Variants in TMCO4 observed in about 807,000 individuals in gnomAD.
TMCO4 encodes transmembrane and coiled-coil domain-containing protein 4.
Under a neutral mutation model 64.7 loss-of-function variants are expected in TMCO4, and 58 were observed. The observed-to-expected ratio is 0.90, with a 90% CI of 0.73 to 1.12. TMCO4 has a LOEUF of 1.12. Ranked by LOEUF, TMCO4 falls within the 50% of genes most tolerant of loss-of-function variation. The pLI is 0.00. For missense variants in TMCO4, 780 were observed against 825.9 expected (o/e 0.94, Z 0.68); for synonymous variants, 325 against 346.1 (o/e 0.94, Z 0.68).
chr1:19,747,020 A>G (rs2041824246), intron 8 of TMCO4, 143 bp downstream of exon 8: 1 of 773,956 alleles, frequency 1.3e-6, no homozygotes, highest in Non-Finnish European at 2.2e-6. Context: ...TGATGAGCAC[A>G]CCGACTACTC....
Position 19,729,797 on chromosome 1 carries a change from A to T in TMCO4, c.1264+7575T>A, listed in dbSNP as rs1049205926. Reference sequence around the variant, plus strand: ...ATAAATAAACAAATAAATAAATAAAAAATAAGAGTATGATTTTATTGTTCA... The same window carrying T: ...ATAAATAAACAAATAAATAAATAAATAATAAGAGTATGATTTTATTGTTCA... On this transcript the variant is annotated intron_variant, in intron 13 of 15. Transcript: ENST00000294543. Among the ~76,000 whole-genome samples, 5 of 152,254 alleles carry T rather than the reference A, an allele frequency of 3.3e-5. No individual in the cohort carries two copies. In the East Asian group the frequency reaches 9.7e-4, roughly 29 times the overall value.
chr1:19,769,366 G>C (rs538548597), intron 6 of TMCO4, among the ~76,000 whole-genome samples: 1 of 152,096 alleles, frequency 6.6e-6, no homozygotes, highest in Non-Finnish European at 1.5e-5. Context: ...CTGCATACCT[G>C]CCCAGGTGAA....
intron 7 of TMCO4, among the ~76,000 whole-genome samples, chr1:19,751,782 C>T (rs2042030053): frequency 6.6e-6 from 1 of 152,212 alleles, no homozygotes; most frequent in Non-Finnish European, 1.5e-5. Context: ...GGCGTGGTGG[C>T]TCGCGCCTGT....
intron 13 of TMCO4, among the ~76,000 whole-genome samples, chr1:19,714,113 T>A (rs1391884777): frequency 6.6e-6 from 1 of 152,120 alleles, no homozygotes; most frequent in Non-Finnish European, 1.5e-5. Flanking sequence ...ATTTTTATAT[T>A]TTTAGTAGAA....
In TMCO4 at chr1:19,739,969, G is replaced by C. The variant is rs747500995; in HGVS notation, c.1043-9C>G. On this transcript the variant is annotated splice_polypyrimidine_tract_variant and intron_variant, in intron 11 of 15. Transcript: ENST00000294543. The stretch of plus-strand genomic sequence containing the variant: ...CAGGGCAGCCACAATGCCTGGGGAG[G>C]TGAGATAGTGATGAAGGGAATGGCC... 6.2e-7 allele frequency: 1 copy of C among 1,610,886 alleles called. No homozygotes were observed. Among genetic ancestry groups the C allele is most frequent in the Non-Finnish European group, 8.5e-7 (1 of 1,178,570 alleles).
At chr1:19,779,007 C>A (rs1441841874) in intron 4 of TMCO4, among the ~76,000 whole-genome samples, 3 of 152,088 alleles carry the variant, frequency 2.0e-5, no homozygotes, top group Non-Finnish European at 2.9e-5. Flanking sequence ...CTGGCGGTAA[C>A]CCCCAAGGAG....
At chr1:19,786,694 T>C (rs1329251752) in intron 3 of TMCO4, among the ~76,000 whole-genome samples, 1 of 152,204 alleles carries the variant, frequency 6.6e-6, no homozygotes, top group Non-Finnish European at 1.5e-5. Flanking sequence ...GCATGGAACC[T>C]CTTGGTACTA....
At chr1:19,773,908 G>T (rs538837982) in intron 4 of TMCO4, among the ~76,000 whole-genome samples, 1 of 152,126 alleles carries the variant, frequency 6.6e-6, no homozygotes, top group Non-Finnish European at 1.5e-5. Context: ...CCAACCACCT[G>T]GGGGAGTCCT....
chr1:19,796,339 A>G (rs142969926), intron 2 of TMCO4, among the ~76,000 whole-genome samples: 1,570 of 152,198 alleles, frequency 0.01, 28 homozygotes, highest in African/African-American at 0.036. Flanking sequence ...TGTCCAGCGA[A>G]TGTGGGGCCT....
intron 12 of TMCO4, 125 bp downstream of exon 12, chr1:19,739,699 C>T: frequency 7.1e-7 from 1 of 1,412,592 alleles, no homozygotes; most frequent in Non-Finnish European, 9.5e-7. Context: ...AAGGACTGCC[C>T]ACACCCCCAA....
At chr1:19,700,353 G>A (rs1346777666) in intron 14 of TMCO4, among the ~76,000 whole-genome samples, 1 of 152,108 alleles carries the variant, frequency 6.6e-6, no homozygotes, top group Non-Finnish European at 1.5e-5. Context: ...GGCCCCTCCA[G>A]CCCCTCCCTC....
rs144078310 is a variant in TMCO4, at chr1:19,721,398, G to C, written c.1264+15974C>G. 5.3e-3 allele frequency among the ~76,000 whole-genome samples: 808 copies of C among 152,316 alleles called. 4 individuals carry two copies. Among genetic ancestry groups the C allele is most frequent in the African/African-American group, 0.018 (761 of 41,580 alleles). On this transcript the variant is annotated intron_variant, in intron 13 of 15. Coordinates refer to ENST00000294543, the MANE Select transcript of TMCO4 (RefSeq NM_181719.7). ...CTCCATTGCTTGAGAGTGGCAGTTA[G>C]TGCTGGACCTCGAGAAAGCAGGATT...
At chr1:19,702,757 T>C (rs1168815039) in intron 13 of TMCO4, among the ~76,000 whole-genome samples, 1 of 152,188 alleles carries the variant, frequency 6.6e-6, no homozygotes, top group Non-Finnish European at 1.5e-5. Context: ...GAGGCAGACC[T>C]TGTCTCAAAA....
At chr1:19,696,802 C>T (rs1445644808) in intron 14 of TMCO4, among the ~76,000 whole-genome samples, 1 of 152,158 alleles carries the variant, frequency 6.6e-6, no homozygotes, top group Non-Finnish European at 1.5e-5. Context: ...ATGTGAATTA[C>T]ATGTATTTAT....
In TMCO4 at chr1:19,685,880, C is replaced by T. The variant is rs576089308; in HGVS notation, c.1501-2436G>A. 4.7e-4 allele frequency among the ~76,000 whole-genome samples: 71 copies of T among 152,092 alleles called. 1 individual carries two copies. The highest frequency in any genetic ancestry group is 1.5e-3 in the African/African-American group (64 of 41,498). ...AGGCATCTGCCACGGTGCCCGCTACCATGCCCGGCTAATTTTTTTTGTATT... is the reference window on the plus strand; with the variant it reads ...AGGCATCTGCCACGGTGCCCGCTACTATGCCCGGCTAATTTTTTTTGTATT... On this transcript the variant is annotated intron_variant, in intron 15 of 15. Coordinates refer to ENST00000294543, the MANE Select transcript of TMCO4 (RefSeq NM_181719.7).
intron 2 of TMCO4, among the ~76,000 whole-genome samples, chr1:19,792,716 C>G (rs865821119): frequency 6.7e-6 from 1 of 148,812 alleles, no homozygotes; most frequent in Non-Finnish European, 1.5e-5. Flanking sequence ...TGCCAGCCAG[C>G]TATGGCCTTT....
Position 19,787,131 on chromosome 1 carries a change from C to T in TMCO4, c.-100-14G>A, listed in dbSNP as rs2043785659. The T allele has an allele frequency of 6.6e-6, 1 of 152,306 alleles. No homozygotes were observed. Among genetic ancestry groups the T allele is most frequent in the Admixed American group, 6.5e-5 (1 of 15,280 alleles). The allele number at this position is 152,306 out of a possible 1,614,324, so 9.4% of individuals were successfully genotyped here. A position where few individuals can be genotyped will look rare whatever the true frequency, so the allele number is the denominator to read the frequency against. ...ATGCAAATTGCCCTGCGGGAGAAAA[C>T]CAGAAAAACCAGCCTGTGGGTCCAC... On this transcript the variant is annotated splice_polypyrimidine_tract_variant and intron_variant, in intron 2 of 15. Transcript: ENST00000294543.
intron 13 of TMCO4, among the ~76,000 whole-genome samples, chr1:19,733,082 A>G (rs1353038969): frequency 1.3e-5 from 2 of 152,186 alleles, no homozygotes; most frequent in South Asian, 2.1e-4. Flanking sequence ...CCTGGCCAAC[A>G]TGGTGAAACC....
At chr1:19,684,097 G>T in intron 15 of TMCO4, among the ~76,000 whole-genome samples, 1 of 134,016 alleles carries the variant, frequency 7.5e-6, no homozygotes. Flanking sequence ...TTAAGGGATG[G>T]GCTTTTTGTT....
Sources: allele counts gnomAD v4.1 joint callset (sites outside exome capture counted in the v4.1 genomes callset), GRCh38; gene constraint gnomAD v4.1.1; transcripts MANE v1.5; gene names NCBI Gene and HGNC (gene_info 2026-07-23, HGNC 2026-07-21).